The following HNRNPF variants were observed in gnomAD, a reference collection of about 807,000 sequenced individuals.
The protein encoded by HNRNPF is HnRNP F protein.
HNRNPF carries 2 observed loss-of-function variants against 26.0 expected under a neutral mutation model. The observed-to-expected ratio is 0.08, with a 90% CI of 0.03 to 0.24. The LOEUF (loss-of-function observed/expected upper bound fraction) is 0.24. HNRNPF is among the 10% of genes least tolerant of loss of function. HNRNPF has a pLI of 1.00. For missense variants in HNRNPF, 299 were observed against 539.2 expected (o/e 0.55, Z 4.41); for synonymous variants, 234 against 211.5 (o/e 1.11, Z -0.92).
rs765009128 is a variant in HNRNPF, at chr10:43,386,922, A to G, written c.963T>C (p.Ile321=). 2 of 1,614,176 alleles carry G rather than the reference A, an allele frequency of 1.2e-6. No homozygotes were observed. The highest frequency in any genetic ancestry group is 8.5e-7 in the Non-Finnish European group (1 of 1,180,046). Residue 321 remains isoleucine (I), a synonymous_variant, in exon 4 of 4, where the codon ATT becomes ATC. Transcript: ENST00000682386. ...PLNPVRVHIE[I]GPDGRVTGEA... ...CACCCGTCACTCTTCCATCTGGGCC[A>G]ATCTCAATATGGACTCTCACAGGGT... is the stretch of plus-strand genomic sequence containing the variant.
At chr10:43,405,895 T>C (rs980757009) in intron 1 of HNRNPF, among the ~76,000 whole-genome samples, 1 of 152,028 alleles carries the variant, frequency 6.6e-6, no homozygotes, top group Non-Finnish European at 1.5e-5. Context: ...ACAAGAACCG[T>C]AGCTCAGGGC....
chr10:43,389,851 G>C (rs1334333633), intron 3 of HNRNPF, among the ~76,000 whole-genome samples: 1 of 152,148 alleles, frequency 6.6e-6, no homozygotes, highest in Non-Finnish European at 1.5e-5. Context: ...GAGAGTCAAG[G>C]GGAGCCTAAC....
Position 43,387,222 on chromosome 10 carries a change from G to A in HNRNPF, c.663C>T (p.Gly221=). ...DRPGTARRYI[G]IVKQAGLERM... is the part of the protein sequence containing the mutation. ...TTTCCAGGCCTGCCTGCTTCACGAT[G>A]CCAATGTACCTCCTGGCAGTCCCGG... Residue 221 remains glycine (G), a synonymous_variant, in exon 4 of 4, where the codon GGC becomes GGT. Transcript: ENST00000682386. The surrounding 1 kb of genome is among the most constrained non-coding windows in gnomAD (Gnocchi z 6.0). 6.2e-7 allele frequency: 1 copy of A among 1,614,206 alleles called. No individual in the cohort carries two copies. Among genetic ancestry groups the A allele is most frequent in the Non-Finnish European group, 8.5e-7 (1 of 1,180,028 alleles).
chr10:43,398,647 C>T (rs1215570261), intron 1 of HNRNPF, among the ~76,000 whole-genome samples: 1 of 151,846 alleles, frequency 6.6e-6, no homozygotes, highest in Non-Finnish European at 1.5e-5. Flanking sequence ...GCCTGTTTTA[C>T]GTTTTTAACA....
chr10:43,402,274 G>A (rs974958238), intron 1 of HNRNPF, among the ~76,000 whole-genome samples: 5 of 152,190 alleles, frequency 3.3e-5, no homozygotes, highest in Non-Finnish European at 7.3e-5. Flanking sequence ...TTTTTCCAAA[G>A]CAGTTTCCTC....
intron 1 of HNRNPF, among the ~76,000 whole-genome samples, chr10:43,406,180 G>A (rs1236157874): frequency 6.6e-6 from 1 of 152,106 alleles, no homozygotes; most frequent in Non-Finnish European, 1.5e-5. Context: ...TGGGGGAGAG[G>A]GAATTAGAGA....
At chr10:43,407,599 G>C (rs559607959) in intron 1 of HNRNPF, 1 of 152,148 alleles carries the variant, frequency 6.6e-6, no homozygotes, top group African/African-American at 2.4e-5. Context: ...AGTTTCCTAC[G>C]AGCAGGGCGG....
intron 2 of HNRNPF, among the ~76,000 whole-genome samples, chr10:43,396,015 C>T (rs1838486589): frequency 6.6e-6 from 1 of 151,786 alleles, no homozygotes; most frequent in Non-Finnish European, 1.5e-5. Context: ...TCAGATCGAG[C>T]TTGCACGGGG....
In HNRNPF at chr10:43,387,168, G is replaced by A; in HGVS notation, c.717C>T (p.Gly239=). 2 of 1,614,188 alleles carry A rather than the reference G, an allele frequency of 1.2e-6. No homozygotes were observed. Among genetic ancestry groups the A allele is most frequent in the Non-Finnish European group, 8.5e-7 (1 of 1,180,044 alleles). ...ERMRPGAYST[G]YGGYEEYSGL... ...CACTGTACTCCTCGTAGCCCCCGTA[G>A]CCTGTGCTGTAGGCACCAGGCCTCA... Residue 239 remains glycine, a synonymous_variant, in exon 4 of 4, where the codon GGC becomes GGT. Coordinates refer to ENST00000682386, the MANE Select transcript of HNRNPF (RefSeq NM_001098204.2). This position sits in a 1 kb window ranked among gnomAD's most constrained non-coding sequence, Gnocchi z 6.0.
chr10:43,399,022 A>G (rs1408766513), intron 1 of HNRNPF, among the ~76,000 whole-genome samples: 1 of 152,114 alleles, frequency 6.6e-6, no homozygotes. Context: ...AAATAAAGCA[A>G]TTAAGTTTTA....
rs936789587 is a variant in HNRNPF, at chr10:43,398,138, C to T, written c.-246-1548G>A. ...TGCCTCCTGGGTTAAGGCGATTCTC[C>T]TGCCTCAGCCTCCCGAGTAGCTGGG... On this transcript the variant is annotated intron_variant, in intron 1 of 3. Transcript: ENST00000682386. Among the ~76,000 whole-genome samples, 60 of 151,218 alleles carry T rather than the reference C, an allele frequency of 4.0e-4. 1 individual carries two copies. Among genetic ancestry groups the T allele is most frequent in the Non-Finnish European group, 8.8e-5 (6 of 67,850 alleles).
chr10:43,407,314 G>A (rs945515316), intron 1 of HNRNPF, among the ~76,000 whole-genome samples: 38 of 152,004 alleles, frequency 2.5e-4, no homozygotes, highest in Non-Finnish European at 5.0e-4. Flanking sequence ...CGAGCCCCCA[G>A]CGCCCGCGAG....
intron 3 of HNRNPF, among the ~76,000 whole-genome samples, chr10:43,390,516 C>G (rs1370781206): frequency 6.6e-6 from 1 of 152,178 alleles, no homozygotes; most frequent in Non-Finnish European, 1.5e-5. Flanking sequence ...ATCCTACTCC[C>G]TCCACCACAA....
At chr10:43,399,359 T>C (rs1364499253) in intron 1 of HNRNPF, among the ~76,000 whole-genome samples, 1 of 152,122 alleles carries the variant, frequency 6.6e-6, no homozygotes, top group Non-Finnish European at 1.5e-5. Flanking sequence ...GCTAGGATTA[T>C]AGGTATAAGC....
Position 43,386,430 on chromosome 10 carries a change from GC to G in HNRNPF, c.*206del, listed in dbSNP as rs1838025634. 1 of 508,316 alleles carries G rather than the reference GC, an allele frequency of 2.0e-6. No individual in the cohort carries two copies. Among genetic ancestry groups the G allele is most frequent in the South Asian group, 3.5e-5 (1 of 28,418 alleles). 31.5% of individuals were successfully genotyped at this position (508,316 alleles called of 1,614,324 possible). The stretch of plus-strand genomic sequence containing the variant: ...ACTACCAAAATGTTAATTGAGAAAA[GC>G]TGAAAATAGTTTTAGTTTACTCATT... On this transcript the variant is annotated 3_prime_UTR_variant, in exon 4 of 4. Coordinates refer to ENST00000682386, the MANE Select transcript of HNRNPF (RefSeq NM_001098204.2).
intron 1 of HNRNPF, chr10:43,396,887 CGGGAGG>C (rs1564396846): frequency 2.8e-5 from 1 of 36,010 alleles, no homozygotes; most frequent in African/African-American, 8.0e-5. Context: ...GGGCGCCTCG[CGGGAGG>C]GGGAGGGGAG....
chr10:43,407,842 A>T (rs999767223), intron 1 of HNRNPF: 1 of 152,178 alleles, frequency 6.6e-6, no homozygotes, highest in African/African-American at 2.4e-5. Context: ...GGGCGGAGCC[A>T]ACTCCCCACA....
intron 1 of HNRNPF, among the ~76,000 whole-genome samples, chr10:43,398,321 C>T (rs958295709): frequency 6.7e-6 from 1 of 148,726 alleles, no homozygotes; most frequent in Non-Finnish European, 1.5e-5. Context: ...CCATGCCCGG[C>T]CTGTTTGGAG....
At chr10:43,407,475 G>A (rs959396081) in intron 1 of HNRNPF, among the ~76,000 whole-genome samples, 39 of 152,236 alleles carry the variant, frequency 2.6e-4, no homozygotes, top group African/African-American at 9.1e-4. Context: ...CCGCGCCCGG[G>A]GCGGCCTTGG....
Sources: gnomAD v4.1 joint callset for allele counts (sites outside exome capture counted in the v4.1 genomes callset) on GRCh38, gnomAD v4.1.1 for gene constraint, Gnocchi (gnomAD v3.1) non-coding constraint, MANE v1.5 for transcripts, NCBI Gene and HGNC (gene_info 2026-07-23, HGNC 2026-07-21) for gene names.